Variants in NNT observed in about 807,000 individuals in gnomAD.
NNT encodes the protein NAD(P) transhydrogenase, mitochondrial.
NNT carries 50 observed loss-of-function variants against 104.8 expected under a neutral mutation model. The ratio of observed to expected loss-of-function variants is 0.48; its 90% CI spans 0.38 to 0.60. The LOEUF (loss-of-function observed/expected upper bound fraction) is 0.60. Ranked by LOEUF, NNT falls within the 20% of genes least tolerant of loss-of-function variation. The probability of loss-of-function intolerance (pLI) is 0.00; values close to 1 mark genes in which losing one functional copy is unlikely to be tolerated. For synonymous variants in NNT, 461 were observed against 490.4 expected, an observed-to-expected ratio of 0.94 and a Z score of 0.79; for missense variants, 1,131 against 1,330.7, an observed-to-expected ratio of 0.85 and a Z score of 2.33.
chr5:43,670,735 G>A (rs572750369), intron 17 of NNT, among the ~76,000 whole-genome samples: 4 of 152,312 alleles, frequency 2.6e-5, no homozygotes, highest in Admixed American at 2.0e-4. Context: ...GTGCAGTGTG[G>A]TGCTGAGAAG....
In NNT at chr5:43,628,362, C is replaced by T. The variant is rs769137442; in HGVS notation, c.939C>T (p.Ile313=). The change falls in exon 7 of 22, where the codon ATC becomes ATT. Residue 313 remains isoleucine (I), a synonymous_variant. Transcript: ENST00000344920. ...CTCAACAATGCAAGGAGGTAGACAT[C>T]CTTATCAGCACAGCACTTATTCCAG... The part of the protein sequence containing the change: ...LFAQQCKEVD[I]LISTALIPGK... 1 of 1,611,670 alleles carries T rather than the reference C, an allele frequency of 6.2e-7. No homozygotes were observed. Among genetic ancestry groups the T allele is most frequent in the African/African-American group, 1.3e-5 (1 of 74,642 alleles).
chr5:43,640,340 T>A (rs1238344153), intron 7 of NNT, among the ~76,000 whole-genome samples: 1 of 152,168 alleles, frequency 6.6e-6, no homozygotes, highest in Non-Finnish European at 1.5e-5. Flanking sequence ...CTTTATTGTG[T>A]TTTGGTACAC....
rs1020092672 is a variant in NNT, at chr5:43,702,855, G to A, written c.3111+119G>A. ...ATGCCTTCTAGGAGGCCAGGAGTAA[G>A]AGCATGTTTAGGGCCCAGTTTCCTA... On this transcript the variant is annotated intron_variant, in intron 21 of 21. Transcript: ENST00000344920. The A allele has an allele frequency of 1.8e-5, 12 of 680,246 alleles. No individual in the cohort carries two copies. The East Asian group carries it at 3.5e-4, about 20-fold the overall frequency. 42.1% of individuals were successfully genotyped at this position (680,246 alleles called of 1,614,324 possible).
intron 7 of NNT, 72 bp downstream of exon 7, chr5:43,628,459 T>A: frequency 8.6e-7 from 1 of 1,166,318 alleles, no homozygotes; most frequent in Non-Finnish European, 1.2e-6. Context: ...CGAGAGTGAA[T>A]GATTGCTTAA....
intron 7 of NNT, among the ~76,000 whole-genome samples, chr5:43,632,413 T>A (rs1468639552): frequency 3.3e-5 from 5 of 152,232 alleles, no homozygotes; most frequent in Admixed American, 3.3e-4. Context: ...AGGGAGCAAC[T>A]TTACGGAGTT....
intron 7 of NNT, among the ~76,000 whole-genome samples, chr5:43,640,375 A>T (rs1751165309): frequency 2.6e-5 from 4 of 152,244 alleles, no homozygotes; most frequent in Middle Eastern, 3.4e-3. Flanking sequence ...CCCTAACCGC[A>T]TAGCTTCATT....
chr5:43,673,284 C>T (rs1195894498), intron 17 of NNT, among the ~76,000 whole-genome samples: 1 of 152,172 alleles, frequency 6.6e-6, no homozygotes, highest in African/African-American at 2.4e-5. Flanking sequence ...GGACTGCACC[C>T]ACTGTCTTGC....
At chr5:43,615,091 T>C in intron 3 of NNT, among the ~76,000 whole-genome samples, 1 of 151,706 alleles carries the variant, frequency 6.6e-6, no homozygotes, top group East Asian at 1.9e-4. Context: ...GAGCCGAGAT[T>C]GCGCCACTGC....
chr5:43,662,596 TA>T (rs969205113), intron 17 of NNT, among the ~76,000 whole-genome samples: 22 of 150,154 alleles, frequency 1.5e-4, no homozygotes, highest in Admixed American at 3.3e-4. Flanking sequence ...AAGTTTTAAT[TA>T]AAAAAAAAAT....
intron 18 of NNT, among the ~76,000 whole-genome samples, chr5:43,677,056 C>T (rs1037509667): frequency 6.6e-6 from 1 of 151,810 alleles, no homozygotes; most frequent in African/African-American, 2.4e-5. Flanking sequence ...AATATGGAAA[C>T]AGTTTTTAGA....
At chr5:43,613,337 C>A in intron 3 of NNT, 200 bp downstream of exon 3, 1 of 516,090 alleles carries the variant, frequency 1.9e-6, no homozygotes, top group South Asian at 3.0e-5. Flanking sequence ...CTATGTTTAA[C>A]CATGAGGAGA....
intron 7 of NNT, among the ~76,000 whole-genome samples, chr5:43,638,633 A>G (rs1168265339): frequency 1.3e-5 from 2 of 149,910 alleles, no homozygotes; most frequent in East Asian, 3.9e-4. Flanking sequence ...GGAGCTAAAT[A>G]TCTCATGTTT....
intron 5 of NNT, among the ~76,000 whole-genome samples, chr5:43,619,594 T>C (rs527978641): frequency 3.9e-5 from 6 of 152,262 alleles, no homozygotes; most frequent in African/African-American, 1.4e-4. Flanking sequence ...CCAGTTTCTT[T>C]AATCCACACT....
chr5:43,626,490 G>A (rs1750370703), intron 6 of NNT, among the ~76,000 whole-genome samples: 1 of 151,860 alleles, frequency 6.6e-6, no homozygotes, highest in African/African-American at 2.4e-5. Context: ...AAATTCTAAG[G>A]AAATATTGGA....
intron 1 of NNT, among the ~76,000 whole-genome samples, 196 bp downstream of exon 1, chr5:43,603,490 G>T (rs1161944352): frequency 6.6e-6 from 1 of 152,192 alleles, no homozygotes; most frequent in African/African-American, 2.4e-5. Flanking sequence ...AGGCTTAGGT[G>T]GGGAAGAAGC....
intron 3 of NNT, among the ~76,000 whole-genome samples, chr5:43,614,828 T>G (rs1217301488): frequency 6.6e-6 from 1 of 152,242 alleles, no homozygotes; most frequent in Non-Finnish European, 1.5e-5. Context: ...AAAATACAGT[T>G]TTAAAAATTT....
intron 17 of NNT, among the ~76,000 whole-genome samples, chr5:43,674,707 T>C (rs1050402598): frequency 2.6e-5 from 4 of 152,266 alleles, no homozygotes; most frequent in African/African-American, 9.6e-5. Context: ...CTACCCCACC[T>C]CCAGAGGTCT....
chr5:43,641,793 T>A (rs185121606), intron 7 of NNT, among the ~76,000 whole-genome samples: 116 of 152,308 alleles, frequency 7.6e-4, no homozygotes, highest in African/African-American at 2.6e-3. Context: ...GTTTTAAAAG[T>A]GATTGAATTT....
rs748327925 is a variant in NNT at position 43,656,030 on chromosome 5, C to T, written c.2250C>T (p.Gly750=). The change falls in exon 15 of 22, where the codon GGC becomes GGT. Residue 750 remains glycine (G), a synonymous_variant. Coordinates refer to ENST00000344920, the MANE Select transcript of NNT (RefSeq NM_182977.3). The part of the protein sequence containing the change: ...IVAYLGTYIG[G]VTFSGSLIAY... ...CCTACCTCGGCACTTACATTGGTGG[C>T]GTCACCTTTAGTGGGTCTCTCATTG... 99 of 1,614,136 alleles carry T rather than the reference C, an allele frequency of 6.1e-5. 4 individuals carry two copies. In the South Asian group the frequency reaches 9.2e-4, roughly 15 times the overall value.
Sources: gnomAD v4.1 joint callset for allele counts (sites outside exome capture counted in the v4.1 genomes callset) on GRCh38, gnomAD v4.1.1 for gene constraint, MANE v1.5 for transcripts, NCBI Gene and HGNC (gene_info 2026-07-23, HGNC 2026-07-21) for gene names.